The following CCDC6 variants were observed in gnomAD, a reference collection of about 807,000 sequenced individuals.
The protein encoded by CCDC6 is coiled-coil domain-containing protein 6.
Under a neutral mutation model 56.6 loss-of-function variants are expected in CCDC6, and 20 were observed. The observed-to-expected ratio is 0.35, with a 90% confidence interval of 0.25 to 0.51. The LOEUF (loss-of-function observed/expected upper bound fraction) is 0.51. Ranked by LOEUF, CCDC6 falls within the 20% of genes least tolerant of loss-of-function variation. CCDC6 has a pLI of 0.95. For missense variants in CCDC6, 367 were observed against 601.1 expected (o/e 0.61, Z 4.07); for synonymous variants, 241 against 234.4 (o/e 1.03, Z -0.26).
chr10:59,905,935 C>G (rs2071541748), intron 1 of CCDC6, among the ~76,000 whole-genome samples, 187 bp downstream of exon 1: 1 of 152,198 alleles, frequency 6.6e-6, no homozygotes, highest in African/African-American at 2.4e-5. Flanking sequence ...CCGAGGAGGA[C>G]AGACCCGCGT....
chr10:59,827,969 C>A (rs1300506115), intron 3 of CCDC6, among the ~76,000 whole-genome samples: 1 of 152,114 alleles, frequency 6.6e-6, no homozygotes, highest in Non-Finnish European at 1.5e-5. Context: ...GTCTTCTTCC[C>A]CATCAGATAA....
chr10:59,846,649 T>C (rs970456058), intron 2 of CCDC6, among the ~76,000 whole-genome samples: 2 of 152,240 alleles, frequency 1.3e-5, no homozygotes, highest in Non-Finnish European at 2.9e-5. Flanking sequence ...TAGAGCAGCA[T>C]TATTTTCTCA....
chr10:59,860,720 A>G (rs141412077), intron 1 of CCDC6, among the ~76,000 whole-genome samples: 237 of 152,250 alleles, frequency 1.6e-3, no homozygotes, highest in Admixed American at 4.9e-3. Context: ...TCCCATATAC[A>G]TGACCTAATA....
intron 3 of CCDC6, among the ~76,000 whole-genome samples, chr10:59,823,569 T>C (rs1376842285): frequency 6.6e-6 from 1 of 152,210 alleles, no homozygotes; most frequent in East Asian, 1.9e-4. Context: ...ACCCAAAATA[T>C]TATTAAAGTT....
rs2070843759 is a variant in CCDC6, at chr10:59,832,630, T to C, written c.477A>G (p.Leu159=). The C allele has an allele frequency of 2.5e-6, 4 of 1,613,304 alleles. No individual in the cohort carries two copies. In the African/African-American group the frequency reaches 5.3e-5, roughly 22 times the overall value. ...LMQLQHEKAE[L]EQHLEQEQEF... ...CCTGCTCTTGTTCAAGATGCTGTTC[T>C]AGTTCGGCTTTCTCATGCTGCAACT... The change falls in exon 3 of 9, where the codon CTA becomes CTG. Residue 159 remains leucine (L), a synonymous_variant. Transcript: ENST00000263102.
chr10:59,862,466 T>G (rs1477312794), intron 1 of CCDC6, among the ~76,000 whole-genome samples: 1 of 145,888 alleles, frequency 6.9e-6, no homozygotes, highest in Non-Finnish European at 1.5e-5. Context: ...CCAGTATGGG[T>G]GACAGAGCCA....
chr10:59,841,073 G>A (rs1325824546), intron 2 of CCDC6, among the ~76,000 whole-genome samples: 2 of 152,108 alleles, frequency 1.3e-5, no homozygotes, highest in African/African-American at 4.8e-5. Flanking sequence ...TGCAGACAGT[G>A]GCTCCCAAAC....
At chr10:59,868,967 C>T (rs540305189) in intron 1 of CCDC6, among the ~76,000 whole-genome samples, 1 of 151,456 alleles carries the variant, frequency 6.6e-6, no homozygotes, top group South Asian at 2.1e-4. Flanking sequence ...TGTTCTAATA[C>T]ATCTTAGCCA....
chr10:59,843,129 G>A (rs1489566632), intron 2 of CCDC6, among the ~76,000 whole-genome samples: 1 of 152,018 alleles, frequency 6.6e-6, no homozygotes, highest in Admixed American at 6.6e-5. Flanking sequence ...CTCGTGATCT[G>A]CCCGCCTCAG....
intron 1 of CCDC6, among the ~76,000 whole-genome samples, chr10:59,854,818 T>C (rs904804732): frequency 1.3e-5 from 2 of 152,246 alleles, no homozygotes; most frequent in African/African-American, 4.8e-5. Context: ...GCTACTTGTT[T>C]TTCTGGTTTT....
intron 1 of CCDC6, among the ~76,000 whole-genome samples, chr10:59,885,602 G>C (rs1038764417): frequency 2.0e-5 from 3 of 152,072 alleles, no homozygotes; most frequent in South Asian, 2.1e-4. Flanking sequence ...GCCACATCCC[G>C]ATCTCACTCT....
At chr10:59,800,645 C>A (rs1049352745) in intron 7 of CCDC6, among the ~76,000 whole-genome samples, 1 of 149,436 alleles carries the variant, frequency 6.7e-6, no homozygotes, top group East Asian at 1.9e-4. Flanking sequence ...CTTCTGTAAG[C>A]CCTGCTGTTG....
chr10:59,805,211 G>C (rs1485324961), intron 6 of CCDC6: 1 of 152,340 alleles, frequency 6.6e-6, no homozygotes, highest in African/African-American at 2.4e-5. Flanking sequence ...AGGAGAAATT[G>C]CTGCTTGAGA....
At chr10:59,865,867 A>AAAAAAAAAAAAAAAAAAAAAAC (rs2071172569) in intron 1 of CCDC6, among the ~76,000 whole-genome samples, 1 of 151,496 alleles carries the variant, frequency 6.6e-6, no homozygotes, top group Non-Finnish European at 1.5e-5. Context: ...AAAAAAAAAA[A>AAAAAAAAAAAAAAAAAAAAAAC]AAAAAAAGAA....
At chr10:59,884,316 C>A (rs976150434) in intron 1 of CCDC6, among the ~76,000 whole-genome samples, 5 of 152,132 alleles carry the variant, frequency 3.3e-5, no homozygotes, top group African/African-American at 1.2e-4. Context: ...GATTTCAGGT[C>A]GAGACAGCGA....
At chr10:59,882,892 G>A (rs1295214806) in intron 1 of CCDC6, among the ~76,000 whole-genome samples, 1 of 152,022 alleles carries the variant, frequency 6.6e-6, no homozygotes, top group African/African-American at 2.4e-5. Context: ...CCCGGGAGGC[G>A]GAGGTTGCAG....
intron 7 of CCDC6, among the ~76,000 whole-genome samples, chr10:59,800,742 C>A (rs1323053373): frequency 1.3e-5 from 2 of 151,310 alleles, no homozygotes; most frequent in African/African-American, 4.9e-5. Flanking sequence ...CACCCTCTGA[C>A]CCAGGAATAC....
chr10:59,850,441 A>T (rs868293693), intron 2 of CCDC6, among the ~76,000 whole-genome samples: 1 of 152,222 alleles, frequency 6.6e-6, no homozygotes, highest in Non-Finnish European at 1.5e-5. Flanking sequence ...CCATCTGTCC[A>T]GATTCTACAA....
At chr10:59,874,818 A>G (rs538088363) in intron 1 of CCDC6, among the ~76,000 whole-genome samples, 7 of 152,336 alleles carry the variant, frequency 4.6e-5, no homozygotes, top group African/African-American at 1.4e-4. Flanking sequence ...AGATGCAGGT[A>G]GCCTCTAGAA....
Sources: allele counts gnomAD v4.1 joint callset (sites outside exome capture counted in the v4.1 genomes callset), GRCh38; gene constraint gnomAD v4.1.1; transcripts MANE v1.5; gene names NCBI Gene and HGNC (gene_info 2026-07-23, HGNC 2026-07-21).